Variants in BTG4 observed in about 807,000 individuals in gnomAD.
BTG4 encodes the protein BTG anti-proliferation factor 4.
Under a neutral mutation model 19.3 loss-of-function variants are expected in BTG4, and 10 were observed. That is an observed-to-expected ratio of 0.52 (90% CI 0.32 to 0.88). The LOEUF (loss-of-function observed/expected upper bound fraction) is 0.88, where lower values mean the gene tolerates loss of function less well. Among genes scored for constraint, BTG4 ranks in the 40% least tolerant of loss-of-function variants. BTG4 has a pLI of 0.04. For missense variants in BTG4, 238 were observed against 281.9 expected, an observed-to-expected ratio of 0.84 and a Z score of 1.11; for synonymous variants, 91 against 95.7, an observed-to-expected ratio of 0.95 and a Z score of 0.29.
At chr11:111,479,309 T>C (rs1368500045) in intron 5 of BTG4, among the ~76,000 whole-genome samples, 1 of 152,078 alleles carries the variant, frequency 6.6e-6, no homozygotes, top group Non-Finnish European at 1.5e-5. Flanking sequence ...CATTCTCAGA[T>C]GAATCAAAGC....
chr11:111,437,625 C>A, the BTG4 span, among the ~76,000 whole-genome samples: 1 of 152,182 alleles, frequency 6.6e-6, no homozygotes, highest in Non-Finnish European at 1.5e-5. Context: ...AGCATCCTCA[C>A]CGCCTTGCCT....
At chr11:111,407,450 C>T in the BTG4 span, among the ~76,000 whole-genome samples, 1 of 152,122 alleles carries the variant, frequency 6.6e-6, no homozygotes, top group Non-Finnish European at 1.5e-5. Context: ...GCAGGTGGAT[C>T]ACCTGAGGTC....
chr11:111,400,634 T>C, the BTG4 span, among the ~76,000 whole-genome samples: 4 of 152,198 alleles, frequency 2.6e-5, no homozygotes, highest in Non-Finnish European at 5.9e-5. Flanking sequence ...CTCTAGGAGA[T>C]AGAGGTTAAT....
At chr11:111,465,357 A>G (rs1863659967), downstream of BTG4, among the ~76,000 whole-genome samples, 1 of 152,214 alleles carries the variant, frequency 6.6e-6, no homozygotes, top group Non-Finnish European at 1.5e-5. Flanking sequence ...TGCATGGCCC[A>G]CAAGCTAAGA....
At chr11:111,466,486 G>A (rs1863725103), downstream of BTG4, among the ~76,000 whole-genome samples, 1 of 152,182 alleles carries the variant, frequency 6.6e-6, no homozygotes, top group African/African-American at 2.4e-5. Context: ...GCCATCTTCT[G>A]TGGACCCTCA....
intron 1 of BTG4, among the ~76,000 whole-genome samples, chr11:111,510,816 C>T (rs1866843569): frequency 2.0e-5 from 3 of 152,038 alleles, no homozygotes; most frequent in Admixed American, 2.0e-4. Context: ...CTGTAGAAAC[C>T]TACTTTTCAA....
intron 5 of BTG4, among the ~76,000 whole-genome samples, chr11:111,472,561 A>C (rs1565443081): frequency 6.6e-6 from 1 of 152,070 alleles, no homozygotes; most frequent in Non-Finnish European, 1.5e-5. Flanking sequence ...ATCCTGGTCT[A>C]CCCCTGACTC....
the BTG4 span, among the ~76,000 whole-genome samples, chr11:111,442,511 T>TAGACACAC: frequency 2.1e-5 from 1 of 48,158 alleles, no homozygotes; most frequent in South Asian, 5.3e-4. Context: ...AAAAAATGTA[T>TAGACACAC]ACACACACAC....
the BTG4 span, among the ~76,000 whole-genome samples, chr11:111,421,634 G>C: frequency 2.0e-5 from 3 of 152,206 alleles, no homozygotes; most frequent in African/African-American, 7.2e-5. Context: ...GTAGAAGGCG[G>C]CTGGGCGTGG....
At chr11:111,405,021 T>C in the BTG4 span, among the ~76,000 whole-genome samples, 4 of 152,198 alleles carry the variant, frequency 2.6e-5, no homozygotes, top group Non-Finnish European at 2.9e-5. Flanking sequence ...CTGGTCATAG[T>C]GTGGGTGCCT....
chr11:111,398,986 T>C, the BTG4 span: 1 of 152,196 alleles, frequency 6.6e-6, no homozygotes, highest in Non-Finnish European at 1.5e-5. Flanking sequence ...TATTGAGCTT[T>C]CCTGAGAGAG....
chr11:111,498,104 C>T lies in BTG4; in HGVS notation c.205G>A (p.Asp69Asn), dbSNP rs992892482. 2.5e-6 allele frequency: 4 copies of T among 1,614,066 alleles called. No homozygotes were observed. The highest frequency in any genetic ancestry group is 3.4e-6 in the Non-Finnish European group (4 of 1,179,960). Residue 69 changes from aspartate (D) to asparagine (N), a missense_variant, in exon 3 of 5, where the codon GAT (aspartate) becomes AAT (asparagine). Coordinates refer to ENST00000692032, the MANE Select transcript of BTG4 (RefSeq NM_001367975.1). ...ACACATGCCCTTTCTAGAATGGGATCTTTATTCTGATTGTTGTTTATCCTG... is the reference window on the plus strand; with the variant it reads ...ACACATGCCCTTTCTAGAATGGGATTTTTATTCTGATTGTTGTTTATCCTG... ...CIRINNNQNK[D>N]PILERACVES...
intron 1 of BTG4, among the ~76,000 whole-genome samples, chr11:111,511,626 A>G (rs1866924171): frequency 6.6e-6 from 1 of 152,216 alleles, no homozygotes; most frequent in South Asian, 2.1e-4. Flanking sequence ...AACATTCCTT[A>G]TCCTCTCCTG....
intron 5 of BTG4, among the ~76,000 whole-genome samples, chr11:111,486,455 C>T (rs558227449): frequency 2.0e-5 from 3 of 152,090 alleles, no homozygotes; most frequent in Non-Finnish European, 4.4e-5. Context: ...TAAATAAATA[C>T]ACACATACAT....
chr11:111,410,362 G>C, the BTG4 span, among the ~76,000 whole-genome samples: 9 of 152,048 alleles, frequency 5.9e-5, no homozygotes, highest in East Asian at 1.7e-3. Flanking sequence ...GATATAACTA[G>C]AGATTCAAGA....
the BTG4 span, among the ~76,000 whole-genome samples, chr11:111,435,736 C>A: frequency 1.3e-5 from 2 of 152,144 alleles, no homozygotes; most frequent in Non-Finnish European, 2.9e-5. Context: ...ATCTATAGCC[C>A]AGCCCTCAAC....
chr11:111,470,582 G>A (rs1022811129), intron 5 of BTG4, among the ~76,000 whole-genome samples: 5 of 152,142 alleles, frequency 3.3e-5, no homozygotes, highest in Non-Finnish European at 7.3e-5. Flanking sequence ...ATGGTGTGCT[G>A]TTTTCTGTGC....
At chr11:111,415,238 C>T in the BTG4 span, among the ~76,000 whole-genome samples, 1 of 152,180 alleles carries the variant, frequency 6.6e-6, no homozygotes, top group South Asian at 2.1e-4. Flanking sequence ...CCCGCCTCCC[C>T]TGCAACCCAA....
chr11:111,454,447 AG>A, the BTG4 span: 1 of 383,548 alleles, frequency 2.6e-6, no homozygotes, highest in African/African-American at 2.1e-5. Context: ...AGTTGGTTAT[AG>A]GACATAGAGT....
Sources: allele counts gnomAD v4.1 joint callset (sites outside exome capture counted in the v4.1 genomes callset), GRCh38; gene constraint gnomAD v4.1.1; transcripts MANE v1.5; gene names NCBI Gene and HGNC (gene_info 2026-07-23, HGNC 2026-07-21).